MED12L: variants seen among roughly 807,000 people sequenced by gnomAD.
The protein encoded by MED12L is mediator complex subunit 12L.
A neutral mutation model predicts 281.3 loss-of-function variants in MED12L; 60 were observed. The observed-to-expected ratio is 0.21, with a 90% CI of 0.17 to 0.26. MED12L has a LOEUF of 0.26. MED12L is among the 10% of genes least tolerant of loss of function. The pLI is 1.00. For synonymous variants in MED12L, 974 were observed against 987.2 expected (o/e 0.99, Z 0.25); for missense variants, 2,146 against 2,680.9 (o/e 0.80, Z 4.41).
At chr3:151,372,323 A>G (rs1304427207) in intron 26 of MED12L, among the ~76,000 whole-genome samples, 5 of 152,212 alleles carry the variant, frequency 3.3e-5, no homozygotes, top group Non-Finnish European at 7.3e-5. Flanking sequence ...TGGTGAAACT[A>G]TAATTATACA....
At chr3:151,337,917 A>T in intron 16 of MED12L, 2 of 1,614,114 alleles carry the variant, frequency 1.2e-6, no homozygotes, top group Non-Finnish European at 1.7e-6. Context: ...CAGCATACTT[A>T]TCAAGGAATT....
chr3:151,278,842 A>C (rs1412197928), intron 16 of MED12L, among the ~76,000 whole-genome samples: 2 of 152,236 alleles, frequency 1.3e-5, no homozygotes, highest in Non-Finnish European at 2.9e-5. Flanking sequence ...GTATTTTGAC[A>C]CCAATGTCGA....
chr3:151,230,626 A>G (rs1351186574), intron 16 of MED12L, among the ~76,000 whole-genome samples: 6 of 141,366 alleles, frequency 4.2e-5, no homozygotes, highest in Non-Finnish European at 7.7e-5. Context: ...TTTGAACTCT[A>G]TGTGTTATTG....
At chr3:151,314,875 A>G (rs1316617617) in intron 16 of MED12L, among the ~76,000 whole-genome samples, 1 of 152,230 alleles carries the variant, frequency 6.6e-6, no homozygotes, top group Non-Finnish European at 1.5e-5. Context: ...GGGAATTCAG[A>G]GACTTGCCTA....
At chr3:151,123,508 G>A (rs868140295) in intron 4 of MED12L, among the ~76,000 whole-genome samples, 1 of 152,122 alleles carries the variant, frequency 6.6e-6, no homozygotes. Flanking sequence ...GATGTGGGAG[G>A]TTCTTTTAAA....
At chr3:151,268,776 G>A (rs1268477117) in intron 16 of MED12L, among the ~76,000 whole-genome samples, 1 of 152,108 alleles carries the variant, frequency 6.6e-6, no homozygotes, top group Non-Finnish European at 1.5e-5. Context: ...CAGATGAAAT[G>A]GAGGAATCAA....
At chr3:151,206,439 G>A (rs1319145403) in intron 16 of MED12L, among the ~76,000 whole-genome samples, 10 of 151,602 alleles carry the variant, frequency 6.6e-5, no homozygotes, top group African/African-American at 9.7e-5. Flanking sequence ...ATGTTATTGC[G>A]TCAACATTTC....
intron 16 of MED12L, among the ~76,000 whole-genome samples, chr3:151,326,157 A>G (rs947942515): frequency 2.2e-4 from 33 of 152,176 alleles, no homozygotes; most frequent in Admixed American, 2.1e-3. Flanking sequence ...CCCCAGGAGC[A>G]CCACAATTTT....
chr3:151,182,940 T>C (rs542175054), intron 11 of MED12L, among the ~76,000 whole-genome samples: 1 of 152,264 alleles, frequency 6.6e-6, no homozygotes, highest in East Asian at 1.9e-4. Context: ...TGAGATCATA[T>C]GTATAAATAG....
Position 151,116,449 on chromosome 3 carries a change from T to C in MED12L, c.204+7T>C, listed in dbSNP as rs749900095. The C allele has an allele frequency of 1.9e-6, 3 of 1,587,546 alleles. No homozygotes were observed. Among genetic ancestry groups the C allele is most frequent in the Non-Finnish European group, 2.6e-6 (3 of 1,157,430 alleles). On this transcript the variant is annotated splice_region_variant and intron_variant, in intron 3 of 44. Coordinates refer to ENST00000687756, the MANE Select transcript of MED12L (RefSeq NM_001393769.1). ...TGTAATTAACCCATCAAAGGTAATG[T>C]TATTTGTTTGTTTCCTCAAACTCCT...
intron 16 of MED12L, chr3:151,199,154 G>T (rs752344726): frequency 6.2e-7 from 1 of 1,614,138 alleles, no homozygotes. Context: ...CTTCCAAGGT[G>T]CCACACCCAA....
chr3:151,129,171 C>T (rs1714973474), intron 5 of MED12L, among the ~76,000 whole-genome samples: 1 of 152,186 alleles, frequency 6.6e-6, no homozygotes, highest in East Asian at 1.9e-4. Flanking sequence ...GTACAGACGT[C>T]TTCAGATGCC....
intron 2 of MED12L, among the ~76,000 whole-genome samples, 184 bp from the exon 3 acceptor site, chr3:151,116,154 C>T (rs765222408): frequency 1.3e-5 from 2 of 151,386 alleles, no homozygotes; most frequent in African/African-American, 2.4e-5. Flanking sequence ...CTTCATCCCT[C>T]TACACATTTA....
chr3:151,384,462 AT>A (rs1712961705), intron 35 of MED12L, among the ~76,000 whole-genome samples: 2 of 152,344 alleles, frequency 1.3e-5, no homozygotes, highest in South Asian at 4.1e-4. Context: ...AACTTTAGAA[AT>A]CCACTGTTAA....
chr3:151,191,039 T>G lies in MED12L; in HGVS notation c.1968+108T>G. 3.1e-6 allele frequency: 3 copies of G among 954,156 alleles called. No individual in the cohort carries two copies. In the South Asian group the frequency reaches 4.9e-5, roughly 16 times the overall value. The allele number at this position is 954,156 out of a possible 1,614,324, so 59.1% of individuals were successfully genotyped here. ...GAAGAGTGATGGCTTTTTGTTGTATTCTTTTGCCCCAGTGGTTGTTTATCT... is the reference window on the plus strand; with the variant it reads ...GAAGAGTGATGGCTTTTTGTTGTATGCTTTTGCCCCAGTGGTTGTTTATCT... On this transcript the variant is annotated intron_variant, in intron 14 of 44. Transcript: ENST00000687756.
chr3:151,249,219 G>A (rs1200813999), intron 16 of MED12L: 1 of 152,174 alleles, frequency 6.6e-6, no homozygotes, highest in Non-Finnish European at 1.5e-5. Context: ...GACTGAGCAA[G>A]TGAGAGCTCC....
chr3:151,131,358 T>C lies in MED12L; in HGVS notation c.556+3374T>C, dbSNP rs538452227. Reference sequence around the variant, plus strand: ...GCTCATGCCTATAATCCCACCACTTTGGGAGAACAGGGCAGGAAGATCGCT... The same window carrying C: ...GCTCATGCCTATAATCCCACCACTTCGGGAGAACAGGGCAGGAAGATCGCT... On this transcript the variant is annotated intron_variant, in intron 5 of 44. Coordinates refer to ENST00000687756, the MANE Select transcript of MED12L (RefSeq NM_001393769.1). Among the ~76,000 whole-genome samples the C allele has an allele frequency of 1.8e-4, 28 of 152,308 alleles. No homozygotes were observed. The South Asian group carries it at 5.4e-3, about 29-fold the overall frequency.
chr3:151,213,586 A>T (rs1305785307), intron 16 of MED12L: 4 of 1,614,066 alleles, frequency 2.5e-6, no homozygotes, highest in African/African-American at 2.7e-5. Flanking sequence ...TACAAAACAG[A>T]CAAAAAACAC....
chr3:151,284,258 A>G (rs1188177306), intron 16 of MED12L, among the ~76,000 whole-genome samples: 4 of 151,706 alleles, frequency 2.6e-5, no homozygotes. Flanking sequence ...AGGAAGTGCT[A>G]TGGGTGATCA....
Sources: gnomAD v4.1 joint callset for allele counts (sites outside exome capture counted in the v4.1 genomes callset) on GRCh38, gnomAD v4.1.1 for gene constraint, MANE v1.5 for transcripts, NCBI Gene and HGNC (gene_info 2026-07-23, HGNC 2026-07-21) for gene names.